The following LIPI variants were observed in gnomAD, a reference collection of about 807,000 sequenced individuals.
LIPI encodes lipase member I.
In LIPI, 59 loss-of-function variants were observed where a neutral mutation model predicts 50.6. The ratio of observed to expected loss-of-function variants is 1.16; its 90% confidence interval spans 0.94 to 1.45. The LOEUF (loss-of-function observed/expected upper bound fraction) is 1.45. LIPI is among the 40% of genes most tolerant of loss of function. The pLI is 0.00. For synonymous variants in LIPI, 203 were observed against 178.2 expected, an observed-to-expected ratio of 1.14 and a Z score of -1.11; for missense variants, 586 against 536.3, an observed-to-expected ratio of 1.09 and a Z score of -0.92.
chr21:14,147,826 C>T (rs1011697816), intron 8 of LIPI, among the ~76,000 whole-genome samples: 2 of 152,104 alleles, frequency 1.3e-5, no homozygotes, highest in Non-Finnish European at 2.9e-5. Flanking sequence ...ATTCTAAAGC[C>T]CCAAAACCTC....
chr21:14,132,723 T>C (rs746829349), intron 9 of LIPI, among the ~76,000 whole-genome samples: 37 of 151,470 alleles, frequency 2.4e-4, no homozygotes, highest in Middle Eastern at 3.4e-3. Flanking sequence ...CACAAAGTTC[T>C]TCAAAAAGAT....
intron 9 of LIPI, among the ~76,000 whole-genome samples, chr21:14,126,455 TACACAGTCA>T (rs2017069851): frequency 6.6e-6 from 1 of 152,210 alleles, no homozygotes; most frequent in African/African-American, 2.4e-5. Context: ...GACCTCATGC[TACACAGTCA>T]ACCCTCTGTA....
At chr21:14,183,480 C>A (rs1232146076) in intron 3 of LIPI, among the ~76,000 whole-genome samples, 4 of 152,108 alleles carry the variant, frequency 2.6e-5, no homozygotes, top group African/African-American at 9.7e-5. Context: ...GAAATGGGAT[C>A]TAATTAAACT....
rs2019556416 is a variant in LIPI at position 14,189,082 on chromosome 21, G to C, written c.384C>G (p.Asn128Lys). Residue 128 changes from asparagine to lysine, a missense_variant, in exon 2 of 10, where the codon AAC becomes AAG. By Grantham distance (94) the Asn-to-Lys change is moderately conservative (BLOSUM62 0). Coordinates refer to ENST00000681601, the MANE Select transcript of LIPI (RefSeq NM_001302998.2). ...TCAAACTCACAGCAACTTTTCTGGT[G>C]TTTTTAACTGCTCTATTATAAATAA... ...TTFIYNRAVKNTRKVAVSLSV... is the reference protein window; with the variant it reads ...TTFIYNRAVKKTRKVAVSLSV... The C allele has an allele frequency of 6.2e-7, 1 of 1,610,668 alleles. No individual in the cohort carries two copies. The highest frequency in any genetic ancestry group is 1.7e-5 in the Admixed American group (1 of 60,014).
At chr21:14,207,540 T>C (rs1474690151) in intron 1 of LIPI, among the ~76,000 whole-genome samples, 1 of 152,080 alleles carries the variant, frequency 6.6e-6, no homozygotes, top group Admixed American at 6.6e-5. Context: ...ATAAAGTAGG[T>C]GTCTAACAAG....
At chr21:14,174,696 G>A (rs549847028) in intron 4 of LIPI, among the ~76,000 whole-genome samples, 1 of 152,196 alleles carries the variant, frequency 6.6e-6, no homozygotes, top group South Asian at 2.1e-4. Context: ...TGGGACTAAA[G>A]GTGCATGCCA....
chr21:14,128,779 T>C (rs991398100), intron 9 of LIPI, among the ~76,000 whole-genome samples: 7 of 152,106 alleles, frequency 4.6e-5, no homozygotes, highest in African/African-American at 1.7e-4. Flanking sequence ...GGCAGATAAC[T>C]CTAAAGATAA....
intron 4 of LIPI, among the ~76,000 whole-genome samples, chr21:14,173,479 C>G (rs1029069545): frequency 2.6e-5 from 4 of 152,096 alleles, no homozygotes; most frequent in African/African-American, 9.7e-5. Context: ...CTCAGAGAAG[C>G]CTTAACAGTG....
At chr21:14,182,077 C>T (rs980224104) in intron 3 of LIPI, among the ~76,000 whole-genome samples, 5 of 152,034 alleles carry the variant, frequency 3.3e-5, no homozygotes, top group Admixed American at 6.6e-5. Flanking sequence ...CAGGTTAAGC[C>T]GCAACAAAAT....
intron 1 of LIPI, among the ~76,000 whole-genome samples, chr21:14,201,845 G>T (rs1222954382): frequency 6.6e-6 from 1 of 152,108 alleles, no homozygotes; most frequent in Non-Finnish European, 1.5e-5. Flanking sequence ...GGGCAATCAG[G>T]CTGGAGAAGG....
At chr21:14,166,124 T>G (rs2018674209) in intron 5 of LIPI, among the ~76,000 whole-genome samples, 3 of 152,148 alleles carry the variant, frequency 2.0e-5, no homozygotes, top group African/African-American at 7.2e-5. Context: ...AATGATGGAA[T>G]AAAATTATTA....
At chr21:14,134,761 C>A (rs2017427925) in intron 9 of LIPI, among the ~76,000 whole-genome samples, 1 of 152,116 alleles carries the variant, frequency 6.6e-6, no homozygotes, top group South Asian at 2.1e-4. Context: ...AAACTGGACC[C>A]CTGTCTCCCA....
chr21:14,117,545 T>C (rs559116474), intron 9 of LIPI, among the ~76,000 whole-genome samples: 3 of 152,124 alleles, frequency 2.0e-5, no homozygotes, highest in Non-Finnish European at 2.9e-5. Context: ...GAGGCTCTGA[T>C]ACAAGGAATA....
intron 6 of LIPI, among the ~76,000 whole-genome samples, chr21:14,164,758 C>T (rs1027650842): frequency 6.6e-6 from 1 of 151,958 alleles, no homozygotes; most frequent in Admixed American, 6.6e-5. Flanking sequence ...CAGGTTTATC[C>T]ATTTAGAAGG....
intron 4 of LIPI, 103 bp downstream of exon 4, chr21:14,181,646 TTTAAAATCA>T: frequency 1.5e-6 from 1 of 679,558 alleles, no homozygotes; most frequent in Non-Finnish European, 2.7e-6. Context: ...TAATTACAGA[TTTAAAATCA>T]TTTTATCCAT....
intron 7 of LIPI, among the ~76,000 whole-genome samples, chr21:14,158,933 C>G (rs1470048121): frequency 6.6e-6 from 1 of 151,070 alleles, no homozygotes; most frequent in Non-Finnish European, 1.5e-5. Flanking sequence ...AAACCTCAAC[C>G]AAGCTGAAAT....
chr21:14,110,034 CT>C (rs2016339674), intron 9 of LIPI, among the ~76,000 whole-genome samples: 1 of 151,774 alleles, frequency 6.6e-6, no homozygotes, highest in Admixed American at 6.6e-5. Context: ...AAAATGCATA[CT>C]GAATTTGTAC....
chr21:14,158,590 T>TA (rs2018352428), intron 7 of LIPI, among the ~76,000 whole-genome samples: 1 of 148,144 alleles, frequency 6.8e-6, no homozygotes, highest in Admixed American at 6.8e-5. Context: ...AAATATATAT[T>TA]TTATATATAT....
intron 7 of LIPI, among the ~76,000 whole-genome samples, chr21:14,156,024 A>C (rs1220902075): frequency 2.0e-5 from 3 of 152,014 alleles, no homozygotes; most frequent in African/African-American, 4.8e-5. Flanking sequence ...GGGGAATGTA[A>C]AGGGGCCTAC....
Sources: gnomAD v4.1 joint callset for allele counts (sites outside exome capture counted in the v4.1 genomes callset) on GRCh38, gnomAD v4.1.1 for gene constraint, MANE v1.5 for transcripts, NCBI Gene and HGNC (gene_info 2026-07-23, HGNC 2026-07-21) for gene names.